Variants in NAALADL2 observed in about 807,000 individuals in gnomAD.
NAALADL2 encodes the protein inactive N-acetylated-alpha-linked acidic dipeptidase-like protein 2.
In NAALADL2, 76 loss-of-function variants were observed where a neutral mutation model predicts 87.2. The ratio of observed to expected loss-of-function variants is 0.87; its 90% confidence interval spans 0.72 to 1.05. The LOEUF (loss-of-function observed/expected upper bound fraction) is 1.05. Among genes scored for constraint, NAALADL2 ranks in the 50% least tolerant of loss-of-function variants. NAALADL2 has a pLI of 0.00. For synonymous variants in NAALADL2, 354 were observed against 331.0 expected, an observed-to-expected ratio of 1.07 and a Z score of -0.75; for missense variants, 1,089 against 945.8, an observed-to-expected ratio of 1.15 and a Z score of -1.99.
chr3:175,206,952 AG>A (rs1456279359), intron 2 of NAALADL2, among the ~76,000 whole-genome samples: 1 of 152,164 alleles, frequency 6.6e-6, no homozygotes, highest in Non-Finnish European at 1.5e-5. Flanking sequence ...ATGAAGAGAA[AG>A]CAGTGCATGC....
intron 1 of NAALADL2, among the ~76,000 whole-genome samples, chr3:175,082,341 T>A (rs985254939): frequency 2.0e-5 from 3 of 152,230 alleles, no homozygotes; most frequent in African/African-American, 7.2e-5. Flanking sequence ...ATTATAAATA[T>A]GTAGTTTATT....
intron 5 of NAALADL2, among the ~76,000 whole-genome samples, chr3:175,378,442 T>C (rs1373539779): frequency 6.6e-6 from 1 of 152,250 alleles, no homozygotes; most frequent in Non-Finnish European, 1.5e-5. Context: ...TATTGCATGG[T>C]GGTTCATTTA....
At chr3:174,492,210 C>T (rs1275198454) in intron 1 of NAALADL2, among the ~76,000 whole-genome samples, 1 of 150,806 alleles carries the variant, frequency 6.6e-6, no homozygotes, top group South Asian at 2.1e-4. Flanking sequence ...ATGGAGGTTG[C>T]GGTGAGCCAA....
chr3:174,963,870 A>G (rs1483110672), intron 1 of NAALADL2, among the ~76,000 whole-genome samples: 1 of 152,184 alleles, frequency 6.6e-6, no homozygotes, highest in Non-Finnish European at 1.5e-5. Flanking sequence ...TTATTTGATC[A>G]TAATTTTTCA....
chr3:174,647,746 A>T (rs1366391185), intron 2 of NAALADL2, among the ~76,000 whole-genome samples: 3 of 152,108 alleles, frequency 2.0e-5, no homozygotes. Flanking sequence ...TCAGTGACAA[A>T]TCTTTTTCAC....
chr3:175,653,530 T>A (rs754209581), intron 11 of NAALADL2, among the ~76,000 whole-genome samples: 3 of 152,188 alleles, frequency 2.0e-5, no homozygotes, highest in Non-Finnish European at 4.4e-5. Context: ...GTTTTTGCGT[T>A]TCTCCAAGAC....
chr3:174,887,593 A>C (rs893715866), intron 1 of NAALADL2, among the ~76,000 whole-genome samples: 2 of 152,082 alleles, frequency 1.3e-5, no homozygotes, highest in African/African-American at 4.8e-5. Flanking sequence ...CCAGGAGTTC[A>C]TGACCAGCCT....
chr3:175,789,751 AGGT>A (rs1425171842), intron 13 of NAALADL2, among the ~76,000 whole-genome samples: 1 of 152,140 alleles, frequency 6.6e-6, no homozygotes, highest in Non-Finnish European at 1.5e-5. Flanking sequence ...TCAAGAAAAA[AGGT>A]GGATATATAT....
At chr3:175,707,419 G>A (rs1356926878) in intron 11 of NAALADL2, among the ~76,000 whole-genome samples, 2 of 152,092 alleles carry the variant, frequency 1.3e-5, no homozygotes, top group Non-Finnish European at 2.9e-5. Flanking sequence ...ACAAAAAGAA[G>A]GAGTGGGCTA....
At chr3:175,102,633 A>G (rs1479558512) in intron 2 of NAALADL2, among the ~76,000 whole-genome samples, 1 of 152,184 alleles carries the variant, frequency 6.6e-6, no homozygotes, top group Non-Finnish European at 1.5e-5. Flanking sequence ...ATAAATAATA[A>G]AATACAATCT....
intron 3 of NAALADL2, among the ~76,000 whole-genome samples, chr3:174,776,332 T>C (rs1560215379): frequency 6.6e-6 from 1 of 152,028 alleles, no homozygotes; most frequent in Admixed American, 6.6e-5. Flanking sequence ...ATATCAGAAA[T>C]AGAAACCATG....
intron 4 of NAALADL2, among the ~76,000 whole-genome samples, chr3:175,284,651 CTTACAGAATTAATAGTGT>C (rs1754762978): frequency 6.6e-6 from 1 of 152,000 alleles, no homozygotes; most frequent in Non-Finnish European, 1.5e-5. Context: ...ATTATTCCAT[CTTACAGAATTAATAGTGT>C]TTCTTAACAG....
chr3:174,604,209 A>G (rs1578280622), intron 2 of NAALADL2, among the ~76,000 whole-genome samples: 2 of 152,120 alleles, frequency 1.3e-5, no homozygotes, highest in East Asian at 3.9e-4. Context: ...ATTTCTCTTT[A>G]GCTCTAATAA....
intron 5 of NAALADL2, among the ~76,000 whole-genome samples, chr3:175,359,503 T>C (rs931496642): frequency 4.0e-5 from 6 of 149,872 alleles, no homozygotes; most frequent in African/African-American, 7.3e-5. Flanking sequence ...GAAGGATATA[T>C]CTAATTATTT....
chr3:175,394,861 AT>A (rs1353350547), intron 5 of NAALADL2, among the ~76,000 whole-genome samples: 2 of 152,052 alleles, frequency 1.3e-5, no homozygotes, highest in Non-Finnish European at 2.9e-5. Context: ...AACTAGCACA[AT>A]TTTTTTCCCT....
At chr3:175,222,070 A>C (rs1743463798) in intron 2 of NAALADL2, among the ~76,000 whole-genome samples, 1 of 152,094 alleles carries the variant, frequency 6.6e-6, no homozygotes, top group Non-Finnish European at 1.5e-5. Context: ...TTTGTGAAAA[A>C]AAATATAGCT....
intron 2 of NAALADL2, among the ~76,000 whole-genome samples, chr3:175,144,101 TA>T (rs1560085954): frequency 1.3e-5 from 2 of 151,982 alleles, no homozygotes. Flanking sequence ...GGCTATTTTT[TA>T]AAGATTATTC....
chr3:175,567,576 T>A (rs1717376941), intron 9 of NAALADL2, among the ~76,000 whole-genome samples: 1 of 152,168 alleles, frequency 6.6e-6, no homozygotes, highest in Non-Finnish European at 1.5e-5. Context: ...TTGTGTAGAC[T>A]AGAAGATTAG....
intron 1 of NAALADL2, among the ~76,000 whole-genome samples, chr3:174,488,036 TG>T (rs1422799111): frequency 4.6e-5 from 7 of 151,970 alleles, no homozygotes; most frequent in African/African-American, 7.2e-5. Context: ...GGAAATGAGA[TG>T]GATGTCAGGT....
Sources: gnomAD v4.1 joint callset for allele counts (sites outside exome capture counted in the v4.1 genomes callset) on GRCh38, gnomAD v4.1.1 for gene constraint, MANE v1.5 for transcripts, NCBI Gene and HGNC (gene_info 2026-07-23, HGNC 2026-07-21) for gene names.